PTPRS: variants seen among roughly 807,000 people sequenced by gnomAD.
PTPRS encodes protein tyrosine phosphatase receptor type S, also known as receptor-type tyrosine-protein phosphatase S.
A neutral mutation model predicts 215.3 loss-of-function variants in PTPRS; 63 were observed. The ratio of observed to expected loss-of-function variants is 0.29; its 90% CI spans 0.24 to 0.36. The LOEUF is 0.36. PTPRS is among the 10% of genes least tolerant of loss of function. PTPRS has a pLI of 1.00. For synonymous variants in PTPRS, 1,404 were observed against 1,191.4 expected (o/e 1.18, Z -3.68); for missense variants, 2,258 against 2,825.8 (o/e 0.80, Z 4.56).
intron 2 of PTPRS, among the ~76,000 whole-genome samples, chr19:5,280,451 G>C (rs1273178538): frequency 6.6e-6 from 1 of 152,192 alleles, no homozygotes; most frequent in Non-Finnish European, 1.5e-5. Flanking sequence ...GGGCGTGGTG[G>C]CTCATGCCTG....
At chr19:5,323,938 A>T (rs1446708542) in intron 1 of PTPRS, among the ~76,000 whole-genome samples, 1 of 152,180 alleles carries the variant, frequency 6.6e-6, no homozygotes, top group African/African-American at 2.4e-5. Flanking sequence ...AACAAAAATG[A>T]AAAAATGAAG....
chr19:5,267,654 C>CA (rs5826877), intron 4 of PTPRS, among the ~76,000 whole-genome samples: 12,422 of 122,088 alleles, frequency 0.1, 821 homozygotes, highest in African/African-American at 0.21. Context: ...AAGACTGTCT[C>CA]AAAAAAAAAA....
intron 6 of PTPRS, among the ~76,000 whole-genome samples, chr19:5,261,309 G>T (rs1395451798): frequency 6.6e-6 from 1 of 152,140 alleles, no homozygotes; most frequent in Non-Finnish European, 1.5e-5. Context: ...GACAGGGGAG[G>T]TGGGTGGGGT....
rs116099658 is a variant in PTPRS, at chr19:5,214,435, C to T, written c.4540G>A (p.Gly1514Ser). 2.4e-5 allele frequency: 39 copies of T among 1,614,166 alleles called. No homozygotes were observed. Among genetic ancestry groups the T allele is most frequent in the Admixed American group, 5.0e-5 (3 of 60,016 alleles). Residue 1514 changes from glycine (G) to serine (S), a missense_variant, in exon 30 of 38, where the codon GGC (glycine) becomes AGC (serine). Physicochemically the swap from Gly to Ser is moderately conservative, Grantham distance 56 (BLOSUM62 0). This residue lies in a region of PTPRS where 927 missense variants were observed against 1,125.9 expected (regional missense o/e 0.82). Transcript: ENST00000262963. ...YWPNRGTETY[G>S]FIQVTLLDTI... ...TCTAGCAACGTGACCTGGATGAAGC[C>T]GTAGGTCTCCGTGCCTCTGTTGGGC...
chr19:5,309,512 A>G (rs935546700), intron 1 of PTPRS, among the ~76,000 whole-genome samples: 1 of 152,090 alleles, frequency 6.6e-6, no homozygotes, highest in South Asian at 2.1e-4. Flanking sequence ...AAAACCCGCT[A>G]TGGGCTAAGT....
At chr19:5,248,378 A>G (rs1434435803) in intron 9 of PTPRS, among the ~76,000 whole-genome samples, 3 of 148,946 alleles carry the variant, frequency 2.0e-5, no homozygotes, top group Non-Finnish European at 4.5e-5. Flanking sequence ...ACAACACCCA[A>G]AAGCAAGAAG....
intron 4 of PTPRS, among the ~76,000 whole-genome samples, chr19:5,269,623 G>A (rs1250581575): frequency 6.6e-6 from 1 of 152,072 alleles, no homozygotes; most frequent in African/African-American, 2.4e-5. Flanking sequence ...CCGGAGAGGA[G>A]AGAGAAAAAG....
intron 1 of PTPRS, among the ~76,000 whole-genome samples, chr19:5,326,847 AAAGG>A (rs1568618590): frequency 2.6e-5 from 4 of 152,002 alleles, no homozygotes; most frequent in Admixed American, 2.0e-4. Context: ...AAAGAAAGAA[AAAGG>A]AAGGAAGGAA....
rs2050623853 is a variant in PTPRS at position 5,339,721 on chromosome 19, T to G, written c.-95+943A>C. On this transcript the variant is annotated intron_variant, in intron 1 of 37. Transcript: ENST00000262963. The surrounding 1 kb of genome is among the most constrained non-coding windows in gnomAD (Gnocchi z 4.2). ...ACGCCCCGCGCCCCCTTTAACCCAG[T>G]GCCGACGGCCCCGCCCCCGGTATGA... Among the ~76,000 whole-genome samples, 1 of 151,642 alleles carries G rather than the reference T, an allele frequency of 6.6e-6. No individual in the cohort carries two copies. Among genetic ancestry groups the G allele is most frequent in the African/African-American group, 2.4e-5 (1 of 41,314 alleles).
intron 37 of PTPRS, 75 bp from the exon 38 acceptor site, chr19:5,206,917 G>A (rs1226692997): frequency 8.9e-6 from 12 of 1,351,506 alleles, no homozygotes; most frequent in Admixed American, 1.7e-5. Context: ...GCCCTCAGGA[G>A]CAGGCCAAGC....
At chr19:5,216,817 G>A (rs764113427) in intron 25 of PTPRS, 50 bp from the exon 26 acceptor site, 10 of 1,285,018 alleles carry the variant, frequency 7.8e-6, no homozygotes, top group South Asian at 6.4e-5. Flanking sequence ...GGGTAGGGGG[G>A]GGTCCCACCT....
At chr19:5,290,049 G>GA (rs2048681590) in intron 1 of PTPRS, among the ~76,000 whole-genome samples, 1 of 152,262 alleles carries the variant, frequency 6.6e-6, no homozygotes, top group East Asian at 1.9e-4. Context: ...GTTAGGAAAA[G>GA]CATGGCAGCC....
intron 2 of PTPRS, among the ~76,000 whole-genome samples, chr19:5,283,228 C>T (rs1446853756): frequency 6.8e-6 from 1 of 147,708 alleles, no homozygotes; most frequent in African/African-American, 2.5e-5. Flanking sequence ...GAAGTGGTTT[C>T]TAGAGCAGAA....
chr19:5,285,276 G>GC (rs2048248836), intron 2 of PTPRS, among the ~76,000 whole-genome samples: 1 of 152,196 alleles, frequency 6.6e-6, no homozygotes, highest in African/African-American at 2.4e-5. Flanking sequence ...TTGCCCTACT[G>GC]CCCTCATCCC....
At chr19:5,277,055 G>GTGT (rs949006668) in intron 2 of PTPRS, among the ~76,000 whole-genome samples, 5 of 107,344 alleles carry the variant, frequency 4.7e-5, no homozygotes, top group Non-Finnish European at 9.0e-5. Flanking sequence ...GCTGAGTTTT[G>GTGT]TGTTTTTTTT....
At chr19:5,327,605 A>C (rs2050204326) in intron 1 of PTPRS, among the ~76,000 whole-genome samples, 1 of 151,934 alleles carries the variant, frequency 6.6e-6, no homozygotes, top group Non-Finnish European at 1.5e-5. Flanking sequence ...GGCCTGGCTC[A>C]GTTCTTTTTG....
intron 2 of PTPRS, among the ~76,000 whole-genome samples, chr19:5,281,353 C>T (rs1164720308): frequency 6.6e-6 from 1 of 151,902 alleles, no homozygotes; most frequent in Non-Finnish European, 1.5e-5. Flanking sequence ...CCCAGCTACT[C>T]GGGAGGCTGA....
At position 5,220,026 on chromosome 19, in the gene PTPRS, C is replaced by T. The variant is rs2041837388; in HGVS notation, c.3678G>A (p.Lys1226=). ...LPPTFHPGDQ[K]QYGGFDNRGL... Reference sequence around the variant, plus strand: ...CCCGGTTATCGAAGCCGCCATACTGCTTCTGGTCGCCGGGATGGAACGTGG... The same window carrying T: ...CCCGGTTATCGAAGCCGCCATACTGTTTCTGGTCGCCGGGATGGAACGTGG... Residue 1226 remains lysine (K), a synonymous_variant, in exon 22 of 38, where the codon AAG becomes AAA. Coordinates refer to ENST00000262963, the MANE Select transcript of PTPRS (RefSeq NM_002850.4). 3.7e-6 allele frequency: 6 copies of T among 1,614,106 alleles called. No homozygotes were observed. The highest frequency in any genetic ancestry group is 1.3e-5 in the African/African-American group (1 of 75,074).
intron 16 of PTPRS, among the ~76,000 whole-genome samples, chr19:5,228,347 G>GAAAAAAAAA (rs71170899): frequency 9.4e-6 from 1 of 105,866 alleles, no homozygotes; most frequent in African/African-American, 4.3e-5. Context: ...TCCGTCTGGA[G>GAAAAAAAAA]AAAAAAAAAA....
Sources: allele counts gnomAD v4.1 joint callset (sites outside exome capture counted in the v4.1 genomes callset), GRCh38; gene constraint gnomAD v4.1.1; regional missense constraint gnomAD v4.1.1; non-coding constraint Gnocchi (gnomAD v3.1); transcripts MANE v1.5; gene names NCBI Gene and HGNC (gene_info 2026-07-23, HGNC 2026-07-21).